SLC38A1: variants seen among roughly 807,000 people sequenced by gnomAD.
The protein encoded by SLC38A1 is solute carrier family 38 member 1, also known as sodium-coupled neutral amino acid symporter 1.
Under a neutral mutation model 60.3 loss-of-function variants are expected in SLC38A1, and 18 were observed. The ratio of observed to expected loss-of-function variants is 0.30; its 90% confidence interval spans 0.21 to 0.44. The LOEUF is 0.44. Ranked by LOEUF, SLC38A1 falls within the 20% of genes least tolerant of loss-of-function variation. SLC38A1 has a pLI of 1.00. For missense variants in SLC38A1, 448 were observed against 587.2 expected, an observed-to-expected ratio of 0.76 and a Z score of 2.45; for synonymous variants, 196 against 212.1, an observed-to-expected ratio of 0.92 and a Z score of 0.66.
intron 1 of SLC38A1, among the ~76,000 whole-genome samples, chr12:46,250,384 C>A (rs1445942429): frequency 2.0e-5 from 3 of 152,162 alleles, no homozygotes; most frequent in African/African-American, 7.2e-5. Context: ...CAATATCATA[C>A]CAAATGGGCA....
At chr12:46,265,548 A>T (rs1467333117) in intron 1 of SLC38A1, among the ~76,000 whole-genome samples, 1 of 152,218 alleles carries the variant, frequency 6.6e-6, no homozygotes, top group African/African-American at 2.4e-5. Context: ...GAGAAAGAAA[A>T]TATCAAGAGA....
Position 46,234,242 on chromosome 12 carries a change from C to T in SLC38A1, c.123-4603G>A, listed in dbSNP as rs114933521. Among the ~76,000 whole-genome samples, 1,473 of 152,268 alleles carry T rather than the reference C, an allele frequency of 9.7e-3. 24 individuals are homozygous for T. The highest frequency in any genetic ancestry group is 0.034 in the African/African-American group (1,408 of 41,536). On this transcript the variant is annotated intron_variant, in intron 3 of 16. Transcript: ENST00000398637. Reference sequence around the variant, plus strand: ...CAGCTCCTTCTAATATGTACCTAACCACACATTAGCAACTCAGAGGAGCTC... The same window carrying T: ...CAGCTCCTTCTAATATGTACCTAACTACACATTAGCAACTCAGAGGAGCTC...
At chr12:46,240,074 T>G (rs1305450945) in intron 2 of SLC38A1, among the ~76,000 whole-genome samples, 181 bp from the exon 3 acceptor site, 1 of 152,152 alleles carries the variant, frequency 6.6e-6, no homozygotes, top group Non-Finnish European at 1.5e-5. Flanking sequence ...TTTATGCCTT[T>G]TATAGATTTC....
Position 46,239,813 on chromosome 12 carries a change from T to A in SLC38A1, c.-13A>T. 4 of 1,611,920 alleles carry A rather than the reference T, an allele frequency of 2.5e-6. No homozygotes were observed. The highest frequency in any genetic ancestry group is 3.4e-6 in the Non-Finnish European group (4 of 1,179,798). On this transcript the variant is annotated 5_prime_UTR_variant, in exon 3 of 17. Transcript: ENST00000398637. Reference sequence around the variant, plus strand: ...TGAAATGCATCATGATTAGAAAGTGTCTGTAGTTTGAAAATTAGTCCAAAT... The same window carrying A: ...TGAAATGCATCATGATTAGAAAGTGACTGTAGTTTGAAAATTAGTCCAAAT...
At chr12:46,214,944 C>G (rs534088469) in intron 5 of SLC38A1, among the ~76,000 whole-genome samples, 1 of 152,138 alleles carries the variant, frequency 6.6e-6, no homozygotes, top group African/African-American at 2.4e-5. Context: ...AAGAGAGAAC[C>G]GTTGCCAGCC....
chr12:46,216,591 C>T (rs1259986484), intron 5 of SLC38A1, among the ~76,000 whole-genome samples: 1 of 152,132 alleles, frequency 6.6e-6, no homozygotes, highest in Non-Finnish European at 1.5e-5. Context: ...TGGCTCACAC[C>T]TGTAATCCCA....
chr12:46,198,979 G>GGGAAT (rs1486846166), intron 13 of SLC38A1, among the ~76,000 whole-genome samples: 1 of 152,170 alleles, frequency 6.6e-6, no homozygotes, highest in Non-Finnish European at 1.5e-5. Context: ...TACATGGAGT[G>GGGAAT]GGAATGCTTA....
intron 5 of SLC38A1, among the ~76,000 whole-genome samples, chr12:46,221,016 A>T (rs1435607750): frequency 1.3e-5 from 2 of 152,154 alleles, no homozygotes; most frequent in Non-Finnish European, 2.9e-5. Context: ...ACTAAATTTA[A>T]AGAGAGAAGG....
rs534093454 is a variant in SLC38A1, at chr12:46,195,995, A to C, written c.1362+1725T>G. 8.7e-5 allele frequency: 59 copies of C among 680,260 alleles called. No individual in the cohort carries two copies. The South Asian group carries it at 1.0e-3, about 12-fold the overall frequency. 42.1% of individuals were successfully genotyped at this position (680,260 alleles called of 1,614,324 possible). ...CCAGTCCCAGTGAGATGAACCAGGT[A>C]CCTCAGTTGGAAATGCAGAAATCAC... On this transcript the variant is annotated intron_variant, in intron 16 of 16. Coordinates refer to ENST00000398637, the MANE Select transcript of SLC38A1 (RefSeq NM_030674.4).
At chr12:46,200,212 T>C (rs890575723) in intron 13 of SLC38A1, among the ~76,000 whole-genome samples, 1 of 152,196 alleles carries the variant, frequency 6.6e-6, no homozygotes, top group African/African-American at 2.4e-5. Context: ...CATTCTCTAT[T>C]GCTAGTGAAA....
At chr12:46,265,157 G>A (rs1468797209) in intron 1 of SLC38A1, among the ~76,000 whole-genome samples, 9 of 152,002 alleles carry the variant, frequency 5.9e-5, no homozygotes, top group African/African-American at 2.2e-4. Context: ...CAGTAAAGTG[G>A]GTACCACCAA....
At chr12:46,249,462 A>G (rs1342173889) in intron 1 of SLC38A1, among the ~76,000 whole-genome samples, 1 of 152,212 alleles carries the variant, frequency 6.6e-6, no homozygotes, top group Non-Finnish European at 1.5e-5. Context: ...AAAAGCTAGC[A>G]GAAGGTAAGA....
Position 46,230,873 on chromosome 12 carries a change from T to C in SLC38A1, c.123-1234A>G, listed in dbSNP as rs183107104. ...TGGGAACTTAAATTAAGACAGTCTC[T>C]ATGGAAAACAGTATGAAGATTCCTC... On this transcript the variant is annotated intron_variant, in intron 3 of 16. Coordinates refer to ENST00000398637, the MANE Select transcript of SLC38A1 (RefSeq NM_030674.4). Among the ~76,000 whole-genome samples the C allele has an allele frequency of 7.9e-5, 12 of 152,342 alleles. No individual in the cohort carries two copies. The East Asian group carries it at 2.3e-3, about 29-fold the overall frequency.
rs533294671 is a variant in SLC38A1 at position 46,216,336 on chromosome 12, A to G, written c.315-7209T>C. Among the ~76,000 whole-genome samples, 26 of 152,328 alleles carry G rather than the reference A, an allele frequency of 1.7e-4. No homozygotes were observed. The South Asian group carries it at 5.2e-3, about 30-fold the overall frequency. On this transcript the variant is annotated intron_variant, in intron 5 of 16. Coordinates refer to ENST00000398637, the MANE Select transcript of SLC38A1 (RefSeq NM_030674.4). ...AGGACCCAACTGAGAATGCAGACCA[A>G]GAACTTAGTGTCGCCGTGTCTGTGT...
chr12:46,229,236 AAC>A lies in SLC38A1; in HGVS notation c.229_230del (p.Val77PhefsTer2). 1 of 1,613,530 alleles carries A rather than the reference AAC, an allele frequency of 6.2e-7. No individual in the cohort carries two copies. Among genetic ancestry groups the A allele is most frequent in the Non-Finnish European group, 8.5e-7 (1 of 1,179,608 alleles). ...CCATAATGGCGTTGCTTAGGTTAAA[AAC>A]AGACATGCCTAAGGAGGTTGTACCT... ...IPGTTSLGMS[V>X]FNLSNAIMGS... is the part of the protein sequence containing the mutation. On this transcript the variant is annotated frameshift_variant, in exon 5 of 17. Transcript: ENST00000398637. LOFTEE classifies it high-confidence loss of function.
rs1353428253 is a variant in SLC38A1 at position 46,203,070 on chromosome 12, G to A, written c.842C>T (p.Thr281Ile). 6.2e-7 allele frequency: 1 copy of A among 1,613,798 alleles called. No homozygotes were observed. The highest frequency in any genetic ancestry group is 8.5e-7 in the Non-Finnish European group (1 of 1,179,858). ...FNSKTVYALP[T>I]IAFAFVCHPS... is the part of the protein sequence containing the mutation. The stretch of plus-strand genomic sequence containing the variant: ...GTGGCAAACAAATGCAAATGCAATG[G>A]TGGGTAAAGCATACACGGTCTATTT... Residue 281 changes from threonine to isoleucine, a missense_variant, in exon 12 of 17, where the codon ACC becomes ATC. This residue lies in a region of SLC38A1 where 346 missense variants were observed against 497.5 expected (regional missense o/e 0.70). Transcript: ENST00000398637.
At chr12:46,206,556 T>C (rs1939912962) in intron 8 of SLC38A1, among the ~76,000 whole-genome samples, 1 of 152,192 alleles carries the variant, frequency 6.6e-6, no homozygotes, top group East Asian at 1.9e-4. Context: ...TCACTACAGG[T>C]AGACATTTCT....
intron 3 of SLC38A1, among the ~76,000 whole-genome samples, chr12:46,236,297 C>G (rs1941256662): frequency 6.6e-6 from 1 of 152,054 alleles, no homozygotes. Context: ...ATAAATAAGT[C>G]CCACAAGCTT....
Position 46,246,829 on chromosome 12 carries a change from T to C in SLC38A1, c.-208-3515A>G, listed in dbSNP as rs373160962. On this transcript the variant is annotated intron_variant, in intron 1 of 16. Transcript: ENST00000398637. The stretch of plus-strand genomic sequence containing the variant: ...TTCCAGAGGAAGGATCAGGCAGCAA[T>C]ATTTGCTGTTCTGCAATATTTGCTG... 3.8e-4 allele frequency among the ~76,000 whole-genome samples: 58 copies of C among 152,244 alleles called. 1 individual carries two copies. The East Asian group carries it at 9.3e-3, about 24-fold the overall frequency.
Sources: gnomAD v4.1 joint callset for allele counts (sites outside exome capture counted in the v4.1 genomes callset) on GRCh38, gnomAD v4.1.1 for gene constraint, gnomAD v4.1.1 regional missense constraint, MANE v1.5 for transcripts, NCBI Gene and HGNC (gene_info 2026-07-23, HGNC 2026-07-21) for gene names.